The following CD163L1 variants were observed in gnomAD, a reference collection of about 807,000 sequenced individuals.
CD163L1 encodes scavenger receptor cysteine-rich type 1 protein M160.
In CD163L1, 124 loss-of-function variants were observed where a neutral mutation model predicts 165.4. The observed-to-expected ratio is 0.75, with a 90% CI of 0.65 to 0.87. CD163L1 has a LOEUF of 0.87. Among genes scored for constraint, CD163L1 ranks in the 40% least tolerant of loss-of-function variants. The pLI, the probability that CD163L1 is intolerant of heterozygous loss-of-function variation, is 0.00. For synonymous variants in CD163L1, 585 were observed against 662.2 expected, an observed-to-expected ratio of 0.88 and a Z score of 1.79; for missense variants, 1,525 against 1,799.9, an observed-to-expected ratio of 0.85 and a Z score of 2.76.
the CD163L1 span, chr12:7,328,874 G>A: frequency 6.6e-6 from 1 of 151,468 alleles, no homozygotes; most frequent in Non-Finnish European, 1.5e-5. Flanking sequence ...CAAACTAACT[G>A]TAAAATATCT....
chr12:7,383,029 AC>A, intron 8 of CD163L1, among the ~76,000 whole-genome samples: 1 of 152,160 alleles, frequency 6.6e-6, no homozygotes, highest in Admixed American at 6.5e-5. Context: ...GTCTGGGGTC[AC>A]TATCACTGAT....
intron 4 of CD163L1, among the ~76,000 whole-genome samples, chr12:7,413,011 G>A (rs1306691847): frequency 7.6e-5 from 11 of 144,918 alleles, no homozygotes; most frequent in Admixed American, 2.9e-4. Flanking sequence ...CAGGAGAATC[G>A]CTTGAACTTG....
intron 8 of CD163L1, among the ~76,000 whole-genome samples, chr12:7,393,946 C>A (rs1207564235): frequency 6.6e-6 from 1 of 152,150 alleles, no homozygotes; most frequent in African/African-American, 2.4e-5. Context: ...GAAGAACATT[C>A]CATGCTCATG....
chr12:7,367,151 A>G (rs986695219), intron 18 of CD163L1, 85 bp downstream of exon 18: 5 of 716,796 alleles, frequency 7.0e-6, no homozygotes, highest in South Asian at 6.4e-5. Context: ...ACACATCTCC[A>G]TCGAGTGGGA....
chr12:7,440,415 C>T (rs754340116), intron 2 of CD163L1, among the ~76,000 whole-genome samples: 2 of 151,528 alleles, frequency 1.3e-5, no homozygotes, highest in Non-Finnish European at 2.9e-5. Flanking sequence ...CCAGCCCGGC[C>T]AGCTCCCGCG....
intron 4 of CD163L1, among the ~76,000 whole-genome samples, chr12:7,429,926 C>G (rs773207834): frequency 1.3e-5 from 2 of 152,198 alleles, no homozygotes; most frequent in Non-Finnish European, 2.9e-5. Context: ...GCTCCCCAGT[C>G]TGAGTACCAG....
At chr12:7,381,339 C>T (rs1375616630) in intron 8 of CD163L1, among the ~76,000 whole-genome samples, 1 of 152,136 alleles carries the variant, frequency 6.6e-6, no homozygotes, top group Non-Finnish European at 1.5e-5. Flanking sequence ...TCACTTCAGT[C>T]CCACTTCCTG....
chr12:7,401,268 CATAA>C (rs1178962790), intron 6 of CD163L1, among the ~76,000 whole-genome samples: 1 of 151,726 alleles, frequency 6.6e-6, no homozygotes, highest in African/African-American at 2.4e-5. Flanking sequence ...CCTGGCACAC[CATAA>C]ATATTCAATA....
At chr12:7,323,247 C>A in the CD163L1 span, 1 of 1,608,750 alleles carries the variant, frequency 6.2e-7, no homozygotes, top group South Asian at 1.1e-5. Context: ...ATGATTTGTG[C>A]CAATCAGAAA....
the CD163L1 span, among the ~76,000 whole-genome samples, chr12:7,335,585 G>A: frequency 4.6e-5 from 7 of 152,136 alleles, no homozygotes; most frequent in Admixed American, 3.9e-4. Context: ...TACCATTCAG[G>A]ACATAGGCAT....
intron 4 of CD163L1, among the ~76,000 whole-genome samples, chr12:7,421,403 T>TA (rs1565809707): frequency 8.3e-4 from 54 of 64,874 alleles, no homozygotes; most frequent in Middle Eastern, 0.015. Context: ...TGTATATATA[T>TA]CTTCCAAATG....
chr12:7,377,776 C>T (rs894052401), intron 9 of CD163L1, among the ~76,000 whole-genome samples: 1 of 152,150 alleles, frequency 6.6e-6, no homozygotes, highest in African/African-American at 2.4e-5. Flanking sequence ...ACCACTGTTC[C>T]TCAGTATGCT....
intron 4 of CD163L1, among the ~76,000 whole-genome samples, chr12:7,422,651 TTCATATATATC>T (rs1055640072): frequency 9.3e-5 from 14 of 150,178 alleles, no homozygotes; most frequent in African/African-American, 3.2e-4. Flanking sequence ...CTCATATATA[TTCATATATATC>T]TCATATCATA....
At chr12:7,359,506 G>C (rs1011209065) in intron 18 of CD163L1, among the ~76,000 whole-genome samples, 1 of 151,938 alleles carries the variant, frequency 6.6e-6, no homozygotes, top group Admixed American at 6.6e-5. Flanking sequence ...GTATTCAGGG[G>C]AAAGTATCCT....
At chr12:7,353,540 C>T (rs575209288), downstream of CD163L1, among the ~76,000 whole-genome samples, 1 of 151,794 alleles carries the variant, frequency 6.6e-6, no homozygotes, top group Non-Finnish European at 1.5e-5. Flanking sequence ...TGATTCATCA[C>T]GTACAAGAAA....
intron 2 of CD163L1, chr12:7,440,087 A>C: frequency 1.0e-6 from 1 of 972,870 alleles, no homozygotes; most frequent in South Asian, 1.5e-5. Context: ...TCAGCGGCGT[A>C]ACGGAAGCCG....
chr12:7,362,210 C>T (rs970498214), intron 18 of CD163L1, among the ~76,000 whole-genome samples: 4 of 131,172 alleles, frequency 3.0e-5, no homozygotes, highest in Non-Finnish European at 1.6e-5. Context: ...TATAATATAT[C>T]ATATGTATTA....
chr12:7,360,890 T>C (rs1946876762), intron 18 of CD163L1, among the ~76,000 whole-genome samples: 1 of 152,218 alleles, frequency 6.6e-6, no homozygotes, highest in Non-Finnish European at 1.5e-5. Flanking sequence ...GAATATTTTG[T>C]TGTAAGACTT....
chr12:7,367,044 G>A (rs1565774053), intron 18 of CD163L1, among the ~76,000 whole-genome samples, 192 bp downstream of exon 18: 2 of 152,242 alleles, frequency 1.3e-5, no homozygotes, highest in Non-Finnish European at 2.9e-5. Flanking sequence ...TGAAATAAGT[G>A]AGAATGTATA....
Sources: allele counts gnomAD v4.1 joint callset (sites outside exome capture counted in the v4.1 genomes callset), GRCh38; gene constraint gnomAD v4.1.1; transcripts MANE v1.5; gene names NCBI Gene and HGNC (gene_info 2026-07-23, HGNC 2026-07-21).